Variants in EIF2S2 observed in about 807,000 individuals in gnomAD.
The protein encoded by EIF2S2 is eukaryotic translation initiation factor 2 subunit 2.
In EIF2S2, 4 loss-of-function variants were observed where a neutral mutation model predicts 44.0. The observed-to-expected ratio is 0.09, with a 90% CI of 0.04 to 0.21. EIF2S2 has a LOEUF of 0.21. Ranked by LOEUF, EIF2S2 falls within the 10% of genes least tolerant of loss-of-function variation. The pLI is 1.00. For synonymous variants in EIF2S2, 108 were observed against 128.3 expected (o/e 0.84, Z 1.07); for missense variants, 154 against 392.0 (o/e 0.39, Z 5.13).
chr20:34,103,674 T>C (rs1377170787), intron 2 of EIF2S2, 109 bp from the exon 3 acceptor site: 23 of 1,354,436 alleles, frequency 1.7e-5, no homozygotes, highest in Non-Finnish European at 1.9e-5. Context: ...AGACTGACTA[T>C]TAATTAGTCC....
Position 34,090,581 on chromosome 20 carries a change from G to A in EIF2S2, c.762C>T (p.Asn254=). The change falls in exon 8 of 9, where the codon AAC becomes AAT. Residue 254 remains asparagine (N), a synonymous_variant. Transcript: ENST00000374980. ...GGAATCTTCCTTTGATTACAAGTTG[G>A]TTATTACCATCTATAGAACCACTAT... ...LGTSGSIDGN[N]QLVIKGRFQQ... 5 of 1,544,156 alleles carry A rather than the reference G, an allele frequency of 3.2e-6. No individual in the cohort carries two copies. The highest frequency in any genetic ancestry group is 4.4e-6 in the Non-Finnish European group (5 of 1,141,062).
intron 1 of EIF2S2, among the ~76,000 whole-genome samples, chr20:34,111,636 G>GC (rs2034413640): frequency 6.6e-6 from 1 of 152,184 alleles, no homozygotes; most frequent in Non-Finnish European, 1.5e-5. Context: ...CGGGATACCG[G>GC]CCCCGACAAG....
chr20:34,102,853 T>C (rs2034309271), intron 3 of EIF2S2, among the ~76,000 whole-genome samples: 1 of 152,198 alleles, frequency 6.6e-6, no homozygotes, highest in Non-Finnish European at 1.5e-5. Flanking sequence ...TCCATCCACC[T>C]ACCCTCCCTC....
chr20:34,095,356 G>A (rs1211827622), intron 6 of EIF2S2, among the ~76,000 whole-genome samples: 1 of 143,298 alleles, frequency 7.0e-6, no homozygotes, highest in East Asian at 2.0e-4. Flanking sequence ...TATTGCCCAG[G>A]CTGTAGTGTG....
At chr20:34,091,786 G>T (rs1301732101) in intron 7 of EIF2S2, among the ~76,000 whole-genome samples, 1 of 141,488 alleles carries the variant, frequency 7.1e-6, no homozygotes, top group Non-Finnish European at 1.6e-5. Context: ...TGGGGGGGGG[G>T]GGTCCAAGGG....
At chr20:34,090,699 A>G (rs2034152459) in intron 7 of EIF2S2, 97 bp from the exon 8 acceptor site, 2 of 671,860 alleles carry the variant, frequency 3.0e-6, no homozygotes. Context: ...AAATATATTC[A>G]GTAGCATAGG....
chr20:34,096,521 C>A lies in EIF2S2; in HGVS notation c.683+136G>T, dbSNP rs565991034. 76 of 819,148 alleles carry A rather than the reference C, an allele frequency of 9.3e-5. 1 individual carries two copies. The South Asian group carries it at 1.4e-3, about 16-fold the overall frequency. 50.7% of individuals were successfully genotyped at this position (819,148 alleles called of 1,614,324 possible). On this transcript the variant is annotated intron_variant, in intron 6 of 8. Coordinates refer to ENST00000374980, the MANE Select transcript of EIF2S2 (RefSeq NM_003908.5). The stretch of plus-strand genomic sequence containing the variant: ...AATTGAAGAAAATGACAGGCTTGAA[C>A]GGTGAACTCCCTCAACCCCTACACC...
At chr20:34,110,290 A>C (rs1034161374) in intron 1 of EIF2S2, among the ~76,000 whole-genome samples, 1 of 152,130 alleles carries the variant, frequency 6.6e-6, no homozygotes, top group African/African-American at 2.4e-5. Context: ...CCAGATGTTA[A>C]AGGAATGGCC....
chr20:34,099,140 C>T (rs1007144317), intron 3 of EIF2S2, among the ~76,000 whole-genome samples: 1 of 152,154 alleles, frequency 6.6e-6, no homozygotes, highest in Admixed American at 6.5e-5. Flanking sequence ...GACGTCGAGG[C>T]AGGTGGATCC....
intron 2 of EIF2S2, among the ~76,000 whole-genome samples, chr20:34,103,999 G>A (rs1214297758): frequency 1.3e-5 from 2 of 152,094 alleles, no homozygotes; most frequent in East Asian, 1.9e-4. Context: ...GTGAGCCACC[G>A]CGCCCGGCCA....
chr20:34,099,676 C>A (rs1330817618), intron 3 of EIF2S2, among the ~76,000 whole-genome samples: 4 of 152,230 alleles, frequency 2.6e-5, no homozygotes, highest in African/African-American at 9.6e-5. Flanking sequence ...GGTTCCCATG[C>A]TGCCTGCTTC....
At chr20:34,108,527 G>T (rs1169166252) in intron 1 of EIF2S2, among the ~76,000 whole-genome samples, 1 of 152,156 alleles carries the variant, frequency 6.6e-6, no homozygotes, top group Non-Finnish European at 1.5e-5. Context: ...ATTATAAGCT[G>T]ACTACACTCC....
chr20:34,105,768 T>C (rs1431411578), intron 1 of EIF2S2, among the ~76,000 whole-genome samples: 1 of 152,224 alleles, frequency 6.6e-6, no homozygotes, highest in Non-Finnish European at 1.5e-5. Flanking sequence ...TTTCAATTTG[T>C]AAAGTATCAC....
At chr20:34,091,776 T>TGGGG in intron 7 of EIF2S2, among the ~76,000 whole-genome samples, 1 of 95,814 alleles carries the variant, frequency 1.0e-5, no homozygotes, top group East Asian at 3.6e-4. Flanking sequence ...TTTATTTTTT[T>TGGGG]GGGGGGGGGG....
In EIF2S2 at chr20:34,098,736, C is replaced by T. The variant is rs2034261900; in HGVS notation, c.298-103G>A. ...GATGAGGAGGTCTTGCTTTGTTGCT[C>T]AGGCTAGTCTCAAACTCCTGGCCTC... On this transcript the variant is annotated intron_variant, in intron 3 of 8. Coordinates refer to ENST00000374980, the MANE Select transcript of EIF2S2 (RefSeq NM_003908.5). The T allele has an allele frequency of 3.6e-6, 5 of 1,377,464 alleles. No homozygotes were observed. In the East Asian group the frequency reaches 1.0e-4, roughly 28 times the overall value. The allele number at this position is 1,377,464 out of a possible 1,614,324, so 85.3% of individuals were successfully genotyped here. A position where few individuals can be genotyped will look rare whatever the true frequency, so the allele number is the denominator to read the frequency against.
In EIF2S2 at chr20:34,090,536, A is replaced by G. The variant is rs1176104750; in HGVS notation, c.807T>C (p.Asn269=). The G allele has an allele frequency of 6.5e-7, 1 of 1,535,640 alleles. No homozygotes were observed. Among genetic ancestry groups the G allele is most frequent in the South Asian group, 1.2e-5 (1 of 82,984 alleles). The change falls in exon 8 of 9, where the codon AAT becomes AAC. Residue 269 remains asparagine (N), a synonymous_variant. Coordinates refer to ENST00000374980, the MANE Select transcript of EIF2S2 (RefSeq NM_003908.5). ...KGRFQQKQIE[N]VLRRYIKEYV... ...ACTTACTGATATATCTTCTCAAGAC[A>G]TTTTCTATCTGTTTCTGTTGGAATC...
At chr20:34,100,100 C>T (rs148805760) in intron 3 of EIF2S2, among the ~76,000 whole-genome samples, 88 of 152,202 alleles carry the variant, frequency 5.8e-4, no homozygotes, top group African/African-American at 1.9e-3. Flanking sequence ...CTGCAACCTC[C>T]GCCTCTCGGG....
At chr20:34,106,406 TTTTG>T (rs1324086835) in intron 1 of EIF2S2, among the ~76,000 whole-genome samples, 7 of 150,888 alleles carry the variant, frequency 4.6e-5, no homozygotes, top group South Asian at 2.1e-4. Context: ...TCACTCTGCT[TTTTG>T]TTTAACATTA....
rs1601527245 is a variant in EIF2S2 at position 34,089,059 on chromosome 20, C to T, written c.*671G>A. On this transcript the variant is annotated 3_prime_UTR_variant, in exon 9 of 9. Coordinates refer to ENST00000374980, the MANE Select transcript of EIF2S2 (RefSeq NM_003908.5). ...TATGTTTCTAAGACCTCTTAGTGGCCAACGAGGAAGGAGGGTACCTAGCAC... is the reference window on the plus strand; with the variant it reads ...TATGTTTCTAAGACCTCTTAGTGGCTAACGAGGAAGGAGGGTACCTAGCAC... 6.6e-6 allele frequency: 1 copy of T among 152,494 alleles called. No homozygotes were observed. Among genetic ancestry groups the T allele is most frequent in the South Asian group, 2.1e-4 (1 of 4,822 alleles). 9.4% of individuals were successfully genotyped at this position (152,494 alleles called of 1,614,324 possible). A position where few individuals can be genotyped will look rare whatever the true frequency, so the allele number is the denominator to read the frequency against.
Sources: gnomAD v4.1 joint callset for allele counts (sites outside exome capture counted in the v4.1 genomes callset) on GRCh38, gnomAD v4.1.1 for gene constraint, MANE v1.5 for transcripts, NCBI Gene and HGNC (gene_info 2026-07-23, HGNC 2026-07-21) for gene names.